Variants in RFX8 observed in about 807,000 individuals in gnomAD.
The protein encoded by RFX8 is DNA-binding protein RFX8.
A neutral mutation model predicts 54.6 loss-of-function variants in RFX8; 46 were observed. The observed-to-expected ratio is 0.84, with a 90% confidence interval of 0.67 to 1.08. RFX8 has a LOEUF of 1.08. RFX8 is among the 50% of genes least tolerant of loss of function. The pLI, the probability that RFX8 is intolerant of heterozygous loss-of-function variation, is 0.00. For missense variants in RFX8, 536 were observed against 562.3 expected (o/e 0.95, Z 0.47); for synonymous variants, 192 against 209.5 (o/e 0.92, Z 0.72).
At chr2:101,428,393 G>A (rs970192345) in intron 2 of RFX8, among the ~76,000 whole-genome samples, 1 of 152,340 alleles carries the variant, frequency 6.6e-6, no homozygotes, top group East Asian at 1.9e-4. Flanking sequence ...ACACGATGAG[G>A]AGTCGTCTGC....
At chr2:101,418,733 C>T (rs756399317) in intron 5 of RFX8, 118 bp downstream of exon 5, 77 of 708,596 alleles carry the variant, frequency 1.1e-4, no homozygotes, top group African/African-American at 3.7e-4. Context: ...ATACACCCCA[C>T]TATTCACTCC....
intron 11 of RFX8, among the ~76,000 whole-genome samples, chr2:101,399,536 T>C (rs970617294): frequency 4.6e-5 from 7 of 152,214 alleles, no homozygotes; most frequent in Non-Finnish European, 8.8e-5. Flanking sequence ...CAAACCTCTT[T>C]GCAAGGAACT....
chr2:101,473,701 G>T (rs1690136592), intron 1 of RFX8, among the ~76,000 whole-genome samples: 1 of 152,130 alleles, frequency 6.6e-6, no homozygotes, highest in Admixed American at 6.5e-5. Flanking sequence ...CAGTCCCAAG[G>T]GCTGAGGATA....
rs1686399174 is a variant in RFX8 at position 101,414,888 on chromosome 2, A to AC, written c.526_527insG (p.Leu176ArgfsTer12). 1 of 1,550,556 alleles carries AC rather than the reference A, an allele frequency of 6.4e-7. No homozygotes were observed. The highest frequency in any genetic ancestry group is 1.4e-5 in the African/African-American group (1 of 73,126). On this transcript the variant is annotated frameshift_variant, in exon 7 of 12. Transcript: ENST00000428343. LOFTEE classifies it high-confidence loss of function. ...GTTGGAAAGGTACGTCTTTCTTCTT[A>AC]GTCTTTTGACAAATAGAGTAACTTC... is the stretch of plus-strand genomic sequence containing the variant.
intron 2 of RFX8, among the ~76,000 whole-genome samples, chr2:101,449,146 T>A (rs918980972): frequency 2.2e-4 from 33 of 150,330 alleles, no homozygotes; most frequent in Non-Finnish European, 1.5e-4. Flanking sequence ...GAAAAGTGAG[T>A]GTGGCTTAAA....
At chr2:101,469,018 G>A (rs1380508594) in intron 1 of RFX8, among the ~76,000 whole-genome samples, 6 of 21,442 alleles carry the variant, frequency 2.8e-4, no homozygotes, top group Non-Finnish European at 7.5e-4. Context: ...ATATATATAG[G>A]TATATATATA....
At chr2:101,431,268 T>C (rs1687469914) in intron 2 of RFX8, among the ~76,000 whole-genome samples, 1 of 152,222 alleles carries the variant, frequency 6.6e-6, no homozygotes, top group African/African-American at 2.4e-5. Flanking sequence ...ACAGAGGTTA[T>C]AGCCTATTGG....
chr2:101,456,354 A>G (rs1688961443), intron 2 of RFX8, among the ~76,000 whole-genome samples: 1 of 152,218 alleles, frequency 6.6e-6, no homozygotes, highest in Non-Finnish European at 1.5e-5. Flanking sequence ...TGGATTTGTC[A>G]TAAATAGCTC....
rs569278367 is a variant in RFX8 at position 101,414,164 on chromosome 2, G to C, written c.561+690C>G. ...CTGAGTCCACAGGGCCCCACACACG[G>C]GTGAAGGGTGTGTCTGTCTGTCTGT... is the stretch of plus-strand genomic sequence containing the variant. On this transcript the variant is annotated intron_variant, in intron 7 of 11. Coordinates refer to ENST00000428343, the MANE Select transcript of RFX8 (RefSeq NM_001145664.2). Among the ~76,000 whole-genome samples, 6 of 152,322 alleles carry C rather than the reference G, an allele frequency of 3.9e-5. No homozygotes were observed. In the South Asian group the frequency reaches 1.2e-3, roughly 32 times the overall value.
At chr2:101,446,255 A>G (rs1688369930) in intron 2 of RFX8, among the ~76,000 whole-genome samples, 1 of 152,112 alleles carries the variant, frequency 6.6e-6, no homozygotes, top group Non-Finnish European at 1.5e-5. Context: ...AGCTCATTGC[A>G]GCCTCCACCT....
At chr2:101,445,429 G>A (rs539592648) in intron 2 of RFX8, among the ~76,000 whole-genome samples, 277 of 151,882 alleles carry the variant, frequency 1.8e-3, no homozygotes, top group Middle Eastern at 3.4e-3. Flanking sequence ...GTCTTGCTCT[G>A]TAGCCCAGGC....
At chr2:101,417,231 G>A (rs1212178596) in intron 6 of RFX8, among the ~76,000 whole-genome samples, 1 of 152,152 alleles carries the variant, frequency 6.6e-6, no homozygotes, top group Non-Finnish European at 1.5e-5. Context: ...TAAAAACAGG[G>A]TCTTGCTCCA....
At chr2:101,418,479 G>A (rs1413022518) in intron 5 of RFX8, among the ~76,000 whole-genome samples, 1 of 152,168 alleles carries the variant, frequency 6.6e-6, no homozygotes, top group South Asian at 2.1e-4. Flanking sequence ...TAGAGATAGA[G>A]CTTCAACCAA....
intron 4 of RFX8, among the ~76,000 whole-genome samples, chr2:101,419,853 GCAA>G (rs1686760714): frequency 6.6e-6 from 1 of 152,212 alleles, no homozygotes; most frequent in Non-Finnish European, 1.5e-5. Flanking sequence ...ACAGGGTGTA[GCAA>G]TCCCTTTTCT....
chr2:101,406,592 C>T (rs947780263), intron 9 of RFX8, among the ~76,000 whole-genome samples: 12 of 152,068 alleles, frequency 7.9e-5, no homozygotes, highest in Admixed American at 2.6e-4. Flanking sequence ...CCTCCTGTCT[C>T]GGCCTCCCAA....
In RFX8 at chr2:101,412,942, C is replaced by T. The variant is rs1239481300; in HGVS notation, c.691G>A (p.Glu231Lys). 3.9e-6 allele frequency: 6 copies of T among 1,551,028 alleles called. No homozygotes were observed. Among genetic ancestry groups the T allele is most frequent in the East Asian group, 2.4e-5 (1 of 40,922 alleles). ...ALASDRSGAD[E>K]LENNPEMKCL... ...TTCATCTCTGGGTTGTTCTCCAGTT[C>T]ATCTGCGCCACTCCGGTCACTTGCC... Residue 231 changes from glutamate (E) to lysine (K), a missense_variant, in exon 8 of 12, where the codon GAA becomes AAA. Physicochemically the swap from Glu to Lys is moderately conservative, Grantham distance 56. Coordinates refer to ENST00000428343, the MANE Select transcript of RFX8 (RefSeq NM_001145664.2).
chr2:101,454,454 A>C (rs7594446), intron 2 of RFX8, among the ~76,000 whole-genome samples: 52,495 of 152,068 alleles, frequency 0.35, 9,737 homozygotes, highest in African/African-American at 0.44. Flanking sequence ...TAGTTCTAGA[A>C]CCTTGAGGAA....
intron 1 of RFX8, among the ~76,000 whole-genome samples, chr2:101,470,649 A>T (rs1186408514): frequency 1.4e-5 from 2 of 145,304 alleles, no homozygotes; most frequent in Admixed American, 1.4e-4. Flanking sequence ...GAACAATCTG[A>T]TGATTACTGA....
intron 2 of RFX8, among the ~76,000 whole-genome samples, chr2:101,454,405 T>C (rs1260303782): frequency 6.6e-6 from 1 of 152,262 alleles, no homozygotes; most frequent in African/African-American, 2.4e-5. Context: ...CCTTTGGGTA[T>C]ATACCCAGTA....
Sources: allele counts gnomAD v4.1 joint callset (sites outside exome capture counted in the v4.1 genomes callset), GRCh38; gene constraint gnomAD v4.1.1; transcripts MANE v1.5; gene names NCBI Gene and HGNC (gene_info 2026-07-23, HGNC 2026-07-21).